The following CNTNAP2 variants were observed in gnomAD, a reference collection of about 807,000 sequenced individuals.
CNTNAP2 encodes the protein contactin-associated protein-like 2.
In CNTNAP2, 98 loss-of-function variants were observed where a neutral mutation model predicts 155.2. The ratio of observed to expected loss-of-function variants is 0.63; its 90% CI spans 0.54 to 0.75. CNTNAP2 has a LOEUF of 0.75. Ranked by LOEUF, CNTNAP2 falls within the 30% of genes least tolerant of loss-of-function variation. The probability of loss-of-function intolerance (pLI) is 0.00; values close to 1 mark genes in which losing one functional copy is unlikely to be tolerated. For missense variants in CNTNAP2, 1,727 were observed against 1,688.1 expected, an observed-to-expected ratio of 1.02 and a Z score of -0.40; for synonymous variants, 651 against 631.2, an observed-to-expected ratio of 1.03 and a Z score of -0.47.
chr7:147,215,038 A>G (rs1803235447), intron 8 of CNTNAP2, among the ~76,000 whole-genome samples: 1 of 152,144 alleles, frequency 6.6e-6, no homozygotes, highest in Admixed American at 6.5e-5. Flanking sequence ...TCATGAGGAC[A>G]GCATGGGGGA....
chr7:148,387,591 A>C (rs1799241279), intron 22 of CNTNAP2, among the ~76,000 whole-genome samples: 1 of 152,116 alleles, frequency 6.6e-6, no homozygotes, highest in Non-Finnish European at 1.5e-5. Context: ...GAAATGCAGA[A>C]TCTCAGGCCC....
At chr7:147,047,603 AT>A (rs1182026469) in intron 4 of CNTNAP2, among the ~76,000 whole-genome samples, 1 of 152,020 alleles carries the variant, frequency 6.6e-6, no homozygotes. Flanking sequence ...TTGAGGTGAC[AT>A]TTTTTTAACA....
intron 1 of CNTNAP2, among the ~76,000 whole-genome samples, chr7:146,638,785 A>G (rs1474158570): frequency 6.6e-6 from 1 of 151,976 alleles, no homozygotes; most frequent in South Asian, 2.1e-4. Context: ...GCGCCCGGCC[A>G]GGTGTTTCTT....
At chr7:147,274,107 A>C (rs901209707) in intron 8 of CNTNAP2, among the ~76,000 whole-genome samples, 4 of 151,856 alleles carry the variant, frequency 2.6e-5, no homozygotes, top group Non-Finnish European at 5.9e-5. Flanking sequence ...ATACACACTT[A>C]GGTTGACTCC....
intron 8 of CNTNAP2, among the ~76,000 whole-genome samples, chr7:147,265,965 C>T (rs988136914): frequency 6.6e-6 from 1 of 152,098 alleles, no homozygotes; most frequent in Non-Finnish European, 1.5e-5. Flanking sequence ...AAAAAAGTCC[C>T]CACAAAAACC....
chr7:147,727,000 T>C (rs113562405), intron 13 of CNTNAP2, among the ~76,000 whole-genome samples: 1 of 143,078 alleles, frequency 7.0e-6, no homozygotes, highest in East Asian at 1.9e-4. Flanking sequence ...TGTGTAGACA[T>C]ACATATGCGT....
chr7:146,435,485 G>A (rs996923457), intron 1 of CNTNAP2, among the ~76,000 whole-genome samples: 10 of 152,130 alleles, frequency 6.6e-5, no homozygotes, highest in Admixed American at 5.2e-4. Flanking sequence ...CAAATGATAT[G>A]AAATCAGTTA....
intron 22 of CNTNAP2, among the ~76,000 whole-genome samples, chr7:148,401,518 A>G (rs1799581595): frequency 6.6e-6 from 1 of 152,220 alleles, no homozygotes; most frequent in Admixed American, 6.5e-5. Flanking sequence ...TCACATGAAA[A>G]TGGACACCAA....
In CNTNAP2 at chr7:148,074,364, G is replaced by A. The variant is rs115190875; in HGVS notation, c.2384-43754G>A. Among the ~76,000 whole-genome samples, 633 of 152,296 alleles carry A rather than the reference G, an allele frequency of 4.2e-3. 7 individuals are homozygous for A. Among genetic ancestry groups the A allele is most frequent in the African/African-American group, 0.015 (613 of 41,556 alleles). On this transcript the variant is annotated intron_variant, in intron 15 of 23. Coordinates refer to ENST00000361727, the MANE Select transcript of CNTNAP2 (RefSeq NM_014141.6). Reference sequence around the variant, plus strand: ...TTTGACCAGACCACTTGAATGATGAGGTGGGAGCCACAGAATACATAGTTG... The same window carrying A: ...TTTGACCAGACCACTTGAATGATGAAGTGGGAGCCACAGAATACATAGTTG...
At chr7:146,424,097 A>G (rs1026416441) in intron 1 of CNTNAP2, among the ~76,000 whole-genome samples, 2 of 152,202 alleles carry the variant, frequency 1.3e-5, no homozygotes, top group Admixed American at 6.5e-5. Context: ...TAATGCTCCC[A>G]ATTTATGGTG....
Position 146,790,730 on chromosome 7 carries a change from T to C in CNTNAP2, c.208+16349T>C, listed in dbSNP as rs568165799. Among the ~76,000 whole-genome samples, 8 of 152,138 alleles carry C rather than the reference T, an allele frequency of 5.3e-5. No homozygotes were observed. In the East Asian group the frequency reaches 1.4e-3, roughly 26 times the overall value. On this transcript the variant is annotated intron_variant, in intron 2 of 23. Transcript: ENST00000361727. ...GACTACAGGCTCCCGCCACCACGCCTGGCTAATTTTTTGTATTTTTAGTAG... is the reference window on the plus strand; with the variant it reads ...GACTACAGGCTCCCGCCACCACGCCCGGCTAATTTTTTGTATTTTTAGTAG...
At chr7:146,670,971 T>C (rs717172) in intron 1 of CNTNAP2, among the ~76,000 whole-genome samples, 123,065 of 152,132 alleles carry the variant, frequency 0.81, 50,388 homozygotes, top group South Asian at 0.91. Flanking sequence ...CCTGTTCACT[T>C]CAATAGTGGT....
chr7:147,751,199 A>G (rs1012451810), intron 13 of CNTNAP2, among the ~76,000 whole-genome samples: 1 of 151,778 alleles, frequency 6.6e-6, no homozygotes, highest in African/African-American at 2.4e-5. Context: ...TTTTATTTCC[A>G]ATTATAAAAT....
chr7:147,956,572 C>T (rs976660946), intron 14 of CNTNAP2, among the ~76,000 whole-genome samples: 2 of 152,126 alleles, frequency 1.3e-5, no homozygotes, highest in Non-Finnish European at 2.9e-5. Context: ...ATGCCCATAT[C>T]GAAGCACATG....
intron 12 of CNTNAP2, among the ~76,000 whole-genome samples, chr7:147,601,769 A>AT (rs1317469735): frequency 1.3e-5 from 2 of 150,582 alleles, no homozygotes; most frequent in African/African-American, 2.4e-5. Context: ...TTGTCCTGTA[A>AT]TTTTTTTATG....
chr7:147,013,027 G>C (rs1271108920), intron 3 of CNTNAP2, among the ~76,000 whole-genome samples: 1 of 151,988 alleles, frequency 6.6e-6, no homozygotes, highest in East Asian at 1.9e-4. Context: ...AAACCATTTT[G>C]ACCCCCCAAA....
At chr7:147,164,638 C>G (rs1335553847) in intron 8 of CNTNAP2, among the ~76,000 whole-genome samples, 1 of 152,076 alleles carries the variant, frequency 6.6e-6, no homozygotes, top group Non-Finnish European at 1.5e-5. Flanking sequence ...GCTTAGGTAA[C>G]ACTCTTCATT....
chr7:147,462,564 A>C (rs536821856), intron 10 of CNTNAP2, among the ~76,000 whole-genome samples: 7 of 152,356 alleles, frequency 4.6e-5, no homozygotes, highest in Admixed American at 1.3e-4. Context: ...ATTCCATATA[A>C]AAACAAATAA....
intron 3 of CNTNAP2, among the ~76,000 whole-genome samples, chr7:146,968,678 G>A (rs1346464917): frequency 6.6e-6 from 1 of 151,836 alleles, no homozygotes; most frequent in Non-Finnish European, 1.5e-5. Context: ...ATTTTTTATT[G>A]TGTCTATTTA....
Sources: gnomAD v4.1 joint callset for allele counts (sites outside exome capture counted in the v4.1 genomes callset) on GRCh38, gnomAD v4.1.1 for gene constraint, MANE v1.5 for transcripts, NCBI Gene and HGNC (gene_info 2026-07-23, HGNC 2026-07-21) for gene names.